ADCK1: variants seen among roughly 807,000 people sequenced by gnomAD.
ADCK1 encodes the protein aarF domain-containing protein kinase 1.
A neutral mutation model predicts 52.3 loss-of-function variants in ADCK1; 41 were observed. The ratio of observed to expected loss-of-function variants is 0.78; its 90% confidence interval spans 0.61 to 1.02. ADCK1 has a LOEUF of 1.02. Ranked by LOEUF, ADCK1 falls within the 50% of genes least tolerant of loss-of-function variation. The pLI is 0.00. For missense variants in ADCK1, 658 were observed against 679.5 expected (o/e 0.97, Z 0.35); for synonymous variants, 250 against 274.6 (o/e 0.91, Z 0.89).
Position 77,934,894 on chromosome 14 carries a change from A to G in ADCK1, c.*1503A>G, listed in dbSNP as rs1288820837. On this transcript the variant is annotated 3_prime_UTR_variant, in exon 11 of 11. Coordinates refer to ENST00000238561, the MANE Select transcript of ADCK1 (RefSeq NM_020421.4). ...TCTTAGTGACCAGTTGGATGCACCC[A>G]GGGACCTGAGAGTATAATTTGCAAT... The G allele has an allele frequency of 6.6e-6, 1 of 152,254 alleles. No homozygotes were observed. Among genetic ancestry groups the G allele is most frequent in the Non-Finnish European group, 1.5e-5 (1 of 68,056 alleles). The allele number at this position is 152,254 out of a possible 1,614,324, so 9.4% of individuals were successfully genotyped here.
intron 9 of ADCK1, among the ~76,000 whole-genome samples, chr14:77,927,398 A>C (rs952885317): frequency 6.6e-6 from 1 of 152,236 alleles, no homozygotes; most frequent in Non-Finnish European, 1.5e-5. Flanking sequence ...CTTTATTGAC[A>C]GTGCATGTAA....
At chr14:77,819,357 T>A (rs1283346835) in intron 2 of ADCK1, among the ~76,000 whole-genome samples, 1 of 152,214 alleles carries the variant, frequency 6.6e-6, no homozygotes, top group East Asian at 1.9e-4. Flanking sequence ...GATCCTGAGG[T>A]AACATAGAAT....
chr14:77,859,244 A>G lies in ADCK1; in HGVS notation c.388A>G (p.Ile130Val), dbSNP rs373018018. ...GGCTCCACAGAGCAGCATGCAAGAG[A>G]TCCGCCAGGTCATCCGAGAAGATCT... ...SQAPQSSMQEIRQVIREDLGK... is the reference protein window; with the variant it reads ...SQAPQSSMQEVRQVIREDLGK... Residue 130 changes from isoleucine to valine, a missense_variant, in exon 4 of 11, where the codon ATC becomes GTC. Physicochemically the swap from Ile to Val is conservative, Grantham distance 29. Coordinates refer to ENST00000238561, the MANE Select transcript of ADCK1 (RefSeq NM_020421.4). 3.1e-6 allele frequency: 5 copies of G among 1,613,766 alleles called. No individual in the cohort carries two copies. The African/African-American group carries it at 6.7e-5, about 22-fold the overall frequency.
At chr14:77,832,697 G>T (rs2081882369) in intron 3 of ADCK1, among the ~76,000 whole-genome samples, 1 of 152,206 alleles carries the variant, frequency 6.6e-6, no homozygotes, top group Admixed American at 6.5e-5. Context: ...CCTTCAAAAG[G>T]AATTGATAGG....
At chr14:77,906,530 T>C (rs1443728095) in intron 6 of ADCK1, among the ~76,000 whole-genome samples, 2 of 152,210 alleles carry the variant, frequency 1.3e-5, no homozygotes, top group Non-Finnish European at 2.9e-5. Context: ...CATTTGTCTG[T>C]AGGCAACTGA....
chr14:77,896,769 A>G (rs1422140334), intron 5 of ADCK1, among the ~76,000 whole-genome samples: 1 of 152,186 alleles, frequency 6.6e-6, no homozygotes, highest in African/African-American at 2.4e-5. Context: ...CATAAACTAA[A>G]TCAATTATCA....
chr14:77,835,828 G>A (rs1242771661), intron 3 of ADCK1, among the ~76,000 whole-genome samples: 1 of 152,122 alleles, frequency 6.6e-6, no homozygotes, highest in African/African-American at 2.4e-5. Context: ...TAGAGACAAG[G>A]TTTCGCCATG....
chr14:77,933,669 C>T lies in ADCK1; in HGVS notation c.*278C>T. ...GGTATGTGCCATTGGGTTGGATGTCCCCACTACTTCCGTTAACCCTTCCCA... is the reference window on the plus strand; with the variant it reads ...GGTATGTGCCATTGGGTTGGATGTCTCCACTACTTCCGTTAACCCTTCCCA... On this transcript the variant is annotated 3_prime_UTR_variant, in exon 11 of 11. Coordinates refer to ENST00000238561, the MANE Select transcript of ADCK1 (RefSeq NM_020421.4). 2.5e-6 allele frequency: 1 copy of T among 402,408 alleles called. No homozygotes were observed. The allele number at this position is 402,408 out of a possible 1,614,324, so 24.9% of individuals were successfully genotyped here.
chr14:77,890,857 A>G (rs2083269577), intron 5 of ADCK1, among the ~76,000 whole-genome samples: 1 of 152,128 alleles, frequency 6.6e-6, no homozygotes, highest in Non-Finnish European at 1.5e-5. Flanking sequence ...AGAGCATAGG[A>G]TTAAATACTG....
At chr14:77,879,714 A>G (rs1309119539) in intron 4 of ADCK1, among the ~76,000 whole-genome samples, 2 of 152,182 alleles carry the variant, frequency 1.3e-5, no homozygotes, top group Admixed American at 1.3e-4. Flanking sequence ...TGGAAGAGAT[A>G]GGGCAGGCTG....
chr14:77,924,638 G>T (rs746556117), intron 8 of ADCK1, 32 bp downstream of exon 8: 6 of 1,608,626 alleles, frequency 3.7e-6, no homozygotes, highest in Non-Finnish European at 4.2e-6. Flanking sequence ...CAGCCCTGGG[G>T]CCTCTGGGGT....
Position 77,882,255 on chromosome 14 carries a change from G to A in ADCK1, c.424-4836G>A, listed in dbSNP as rs891511526. Among the ~76,000 whole-genome samples, 6 of 152,110 alleles carry A rather than the reference G, an allele frequency of 3.9e-5. No individual in the cohort carries two copies. In the East Asian group the frequency reaches 7.8e-4, roughly 20 times the overall value. ...GATGGCAGCTGGCACCCAGCCAGGT[G>A]TAGGGGGGGCCAGCTCGAGACTGCA... On this transcript the variant is annotated intron_variant, in intron 4 of 10. Coordinates refer to ENST00000238561, the MANE Select transcript of ADCK1 (RefSeq NM_020421.4).
At chr14:77,861,151 C>A (rs1475990281) in intron 4 of ADCK1, among the ~76,000 whole-genome samples, 1 of 152,190 alleles carries the variant, frequency 6.6e-6, no homozygotes, top group African/African-American at 2.4e-5. Context: ...CTCCTGCCCC[C>A]ACAATGCTTC....
chr14:77,873,549 G>A (rs768152248), intron 4 of ADCK1, among the ~76,000 whole-genome samples: 1 of 152,260 alleles, frequency 6.6e-6, no homozygotes, highest in African/African-American at 2.4e-5. Flanking sequence ...GTGTTTGAAT[G>A]TGTGCACTTG....
chr14:77,886,268 G>C (rs1197624456), intron 4 of ADCK1, among the ~76,000 whole-genome samples: 2 of 152,210 alleles, frequency 1.3e-5, no homozygotes, highest in Non-Finnish European at 2.9e-5. Context: ...GAGCTCCCCT[G>C]GTTGGTAGAA....
At chr14:77,814,430 A>AAC (rs752036631) in intron 1 of ADCK1, among the ~76,000 whole-genome samples, 117 of 150,516 alleles carry the variant, frequency 7.8e-4, no homozygotes, top group Middle Eastern at 3.4e-3. Context: ...TTTACTGAAA[A>AAC]AAAAAACAAA....
At chr14:77,892,874 G>A (rs2083312201) in intron 5 of ADCK1, among the ~76,000 whole-genome samples, 1 of 152,100 alleles carries the variant, frequency 6.6e-6, no homozygotes, top group South Asian at 2.1e-4. Flanking sequence ...GCCTCCAATA[G>A]CATGTACTAC....
chr14:77,914,347 T>A (rs868435213), intron 7 of ADCK1: 1 of 938,850 alleles, frequency 1.1e-6, no homozygotes, highest in Non-Finnish European at 1.3e-6. Context: ...AGGAGTAGAG[T>A]CCGTGGCCTG....
intron 1 of ADCK1, among the ~76,000 whole-genome samples, chr14:77,811,789 G>A (rs1386268092): frequency 6.6e-6 from 1 of 151,992 alleles, no homozygotes; most frequent in African/African-American, 2.4e-5. Context: ...AGCCTGAGTG[G>A]CAGAGTAAAC....
Sources: gnomAD v4.1 joint callset for allele counts (sites outside exome capture counted in the v4.1 genomes callset) on GRCh38, gnomAD v4.1.1 for gene constraint, MANE v1.5 for transcripts, NCBI Gene and HGNC (gene_info 2026-07-23, HGNC 2026-07-21) for gene names.